The following ENTREP2 variants were observed in gnomAD, a reference collection of about 807,000 sequenced individuals.
ENTREP2 encodes endosomal transmembrane epsin interactor 2.
the ENTREP2 span, among the ~76,000 whole-genome samples, chr15:29,551,059 A>G: frequency 6.6e-6 from 1 of 152,198 alleles, no homozygotes. Context: ...AGCAGAGAAC[A>G]CTACTGTAGT....
At chr15:29,376,850 G>A in the ENTREP2 span, 3 of 152,244 alleles carry the variant, frequency 2.0e-5, no homozygotes, top group African/African-American at 7.2e-5. Flanking sequence ...GGAGAGCAAT[G>A]GCAGCACCAA....
the ENTREP2 span, among the ~76,000 whole-genome samples, chr15:29,552,773 T>C: frequency 1.4e-4 from 21 of 152,024 alleles, no homozygotes; most frequent in African/African-American, 4.8e-4. Context: ...AGAATTAGAA[T>C]AGTTAGCAAG....
chr15:29,631,537 C>T, the ENTREP2 span, among the ~76,000 whole-genome samples: 43,207 of 152,122 alleles, frequency 0.28, 9,262 homozygotes, highest in African/African-American at 0.6. Flanking sequence ...CTCTGCAATG[C>T]GTATGTACAT....
At chr15:29,516,174 G>T in the ENTREP2 span, among the ~76,000 whole-genome samples, 1 of 151,998 alleles carries the variant, frequency 6.6e-6, no homozygotes, top group African/African-American at 2.4e-5. Context: ...CCAGGCATTG[G>T]TATTTTTAAA....
chr15:29,259,701 G>C, the ENTREP2 span, among the ~76,000 whole-genome samples: 2 of 151,956 alleles, frequency 1.3e-5, no homozygotes, highest in East Asian at 3.9e-4. Flanking sequence ...GTGAAGCCTG[G>C]CACAGTGGCT....
chr15:29,529,238 T>TGTGGAGGGGTGGGGGC, the ENTREP2 span, among the ~76,000 whole-genome samples: 4 of 108,302 alleles, frequency 3.7e-5, no homozygotes, highest in Non-Finnish European at 7.8e-5. Flanking sequence ...TGTGTGAGGG[T>TGTGGAGGGGTGGGGGC]GTGGAGGGGT....
chr15:29,200,320 A>C, the ENTREP2 span, among the ~76,000 whole-genome samples: 67,667 of 151,786 alleles, frequency 0.45, 16,334 homozygotes, highest in African/African-American at 0.63. Context: ...GAATTACAGG[A>C]GCACGCCACC....
chr15:29,627,867 G>A, the ENTREP2 span, among the ~76,000 whole-genome samples: 4 of 152,068 alleles, frequency 2.6e-5, no homozygotes, highest in Non-Finnish European at 5.9e-5. Context: ...GTATGTATGT[G>A]CCATATTTCA....
At chr15:29,238,364 A>G in the ENTREP2 span, among the ~76,000 whole-genome samples, 10 of 152,246 alleles carry the variant, frequency 6.6e-5, no homozygotes, top group Admixed American at 2.6e-4. Flanking sequence ...TAGGCGCGGT[A>G]GCTCACGCCT....
the ENTREP2 span, among the ~76,000 whole-genome samples, chr15:29,531,493 G>A: frequency 2.0e-5 from 3 of 152,122 alleles, no homozygotes; most frequent in Admixed American, 2.0e-4. Context: ...GAACATGAAG[G>A]GCAGCCCTGG....
chr15:29,269,929 A>T, the ENTREP2 span: 1 of 485,200 alleles, frequency 2.1e-6, no homozygotes, highest in Non-Finnish European at 3.6e-6. Flanking sequence ...GCAGCCCTGC[A>T]GGTCCGGGCG....
At chr15:29,301,558 T>C in the ENTREP2 span, among the ~76,000 whole-genome samples, 1 of 152,204 alleles carries the variant, frequency 6.6e-6, no homozygotes, top group Non-Finnish European at 1.5e-5. Flanking sequence ...TTATGTCTGA[T>C]TCTGTGTCTC....
chr15:29,357,574 A>G, the ENTREP2 span, among the ~76,000 whole-genome samples: 1 of 152,146 alleles, frequency 6.6e-6, no homozygotes, highest in African/African-American at 2.4e-5. Context: ...GTGGTGGCTC[A>G]CGCCTGTAAT....
At chr15:29,242,976 G>A in the ENTREP2 span, among the ~76,000 whole-genome samples, 78 of 152,336 alleles carry the variant, frequency 5.1e-4, no homozygotes, top group Admixed American at 6.5e-4. Flanking sequence ...TGGCAAGGCA[G>A]GGACGTGGTG....
the ENTREP2 span, among the ~76,000 whole-genome samples, chr15:29,223,814 T>C: frequency 2.3e-4 from 35 of 152,280 alleles, 1 homozygote; most frequent in South Asian, 7.0e-3. Flanking sequence ...CTCATCCTTC[T>C]ACACTGCAGG....
chr15:29,579,052 G>A, the ENTREP2 span, among the ~76,000 whole-genome samples: 1 of 152,224 alleles, frequency 6.6e-6, no homozygotes, highest in Non-Finnish European at 1.5e-5. Flanking sequence ...TGAAAGAGGT[G>A]TTTTGCCTTT....
At chr15:29,615,434 G>A in the ENTREP2 span, among the ~76,000 whole-genome samples, 13 of 152,206 alleles carry the variant, frequency 8.5e-5, no homozygotes, top group South Asian at 6.2e-4. Flanking sequence ...GGGATTAGAC[G>A]TGAGCCACAA....
At chr15:29,178,927 T>C in the ENTREP2 span, among the ~76,000 whole-genome samples, 8 of 152,316 alleles carry the variant, frequency 5.3e-5, no homozygotes, top group Admixed American at 3.9e-4. Flanking sequence ...CTTCCTATCT[T>C]GTGTCTTGAG....
At chr15:29,216,445 G>T in the ENTREP2 span, among the ~76,000 whole-genome samples, 2 of 152,278 alleles carry the variant, frequency 1.3e-5, no homozygotes, top group South Asian at 4.1e-4. Flanking sequence ...AATGTACCTA[G>T]GTGATGATCT....
Sources: gnomAD v4.1 joint callset for allele counts (sites outside exome capture counted in the v4.1 genomes callset) on GRCh38, gnomAD v4.1.1 for gene constraint, MANE v1.5 for transcripts, NCBI Gene and HGNC (gene_info 2026-07-23, HGNC 2026-07-21) for gene names.